Variants in ANKRD12 observed in about 807,000 individuals in gnomAD.
ANKRD12 encodes ankyrin repeat domain-containing protein 12.
In ANKRD12, 85 loss-of-function variants were observed where a neutral mutation model predicts 183.4. The observed-to-expected ratio is 0.46, with a 90% confidence interval of 0.39 to 0.56. The LOEUF (loss-of-function observed/expected upper bound fraction) is 0.56. Ranked by LOEUF, ANKRD12 falls within the 20% of genes least tolerant of loss-of-function variation. The pLI, the probability that ANKRD12 is intolerant of heterozygous loss-of-function variation, is 0.00. For missense variants in ANKRD12, 2,405 were observed against 2,357.1 expected (o/e 1.02, Z -0.42); for synonymous variants, 914 against 800.2 (o/e 1.14, Z -2.40).
intron 2 of ANKRD12, 71 bp downstream of exon 2, chr18:9,182,590 T>G: frequency 9.6e-7 from 1 of 1,038,030 alleles, no homozygotes; most frequent in South Asian, 1.6e-5. Context: ...GTATTTTTAG[T>G]GATTTCTCGT....
intron 1 of ANKRD12, among the ~76,000 whole-genome samples, chr18:9,157,235 C>T (rs2030616407): frequency 6.6e-6 from 1 of 151,892 alleles, no homozygotes; most frequent in African/African-American, 2.4e-5. Context: ...ATGTACTCAG[C>T]ATACTTACAG....
Position 9,257,153 on chromosome 18 carries a change from C to G in ANKRD12, c.3886C>G (p.Leu1296Val). 1 of 1,614,112 alleles carries G rather than the reference C, an allele frequency of 6.2e-7. No individual in the cohort carries two copies. Among genetic ancestry groups the G allele is most frequent in the East Asian group, 2.2e-5 (1 of 44,880 alleles). The change falls in exon 9 of 13, where the codon CTA becomes GTA. Residue 1296 changes from leucine to valine, a missense_variant. This residue lies in a region of ANKRD12 where 1,983 missense variants were observed against 1,725.9 expected (regional missense o/e 1.15). Coordinates refer to ENST00000262126, the MANE Select transcript of ANKRD12 (RefSeq NM_015208.5). Reference sequence around the variant, plus strand: ...GTCATCTTCTGTAGAAGATGTTAAACTAATTATAAGCGAGGGGAGACCTAC... The same window carrying G: ...GTCATCTTCTGTAGAAGATGTTAAAGTAATTATAAGCGAGGGGAGACCTAC... ...LRSSSVEDVK[L>V]IISEGRPTIE...
chr18:9,263,779 T>G lies in ANKRD12; in HGVS notation c.5665-11T>G. ...CCTAATATTTTAAACTATATATATC[T>G]TTTTAATTAGATTACACCACCACCT... On this transcript the variant is annotated splice_polypyrimidine_tract_variant and intron_variant, in intron 9 of 12. Transcript: ENST00000262126. 6.5e-7 allele frequency: 1 copy of G among 1,532,624 alleles called. No homozygotes were observed. The highest frequency in any genetic ancestry group is 8.8e-7 in the Non-Finnish European group (1 of 1,132,804). 94.9% of individuals were successfully genotyped at this position (1,532,624 alleles called of 1,614,324 possible).
At chr18:9,253,835 C>A (rs1181617864) in intron 8 of ANKRD12, among the ~76,000 whole-genome samples, 3 of 152,124 alleles carry the variant, frequency 2.0e-5, no homozygotes, top group Non-Finnish European at 2.9e-5. Context: ...AATAGAGCTA[C>A]CATATGATTC....
chr18:9,265,199 G>C (rs1171580632), intron 10 of ANKRD12, among the ~76,000 whole-genome samples: 1 of 152,254 alleles, frequency 6.6e-6, no homozygotes, highest in East Asian at 1.9e-4. Flanking sequence ...ACCTCTGGGA[G>C]CAGGGCACAG....
At chr18:9,192,557 C>G (rs2034518798) in intron 2 of ANKRD12, among the ~76,000 whole-genome samples, 1 of 152,088 alleles carries the variant, frequency 6.6e-6, no homozygotes, top group Non-Finnish European at 1.5e-5. Flanking sequence ...TGGGTAACTT[C>G]TAATCTTTCT....
chr18:9,177,959 G>A (rs2033406166), intron 1 of ANKRD12, among the ~76,000 whole-genome samples: 1 of 149,480 alleles, frequency 6.7e-6, no homozygotes. Flanking sequence ...TTATCTTATT[G>A]ATTCATAAGA....
rs1271729693 is a variant in ANKRD12 at position 9,140,264 on chromosome 18, T to C, written c.-52+3299T>C. Among the ~76,000 whole-genome samples, 4 of 152,300 alleles carry C rather than the reference T, an allele frequency of 2.6e-5. No homozygotes were observed. The East Asian group carries it at 7.7e-4, about 29-fold the overall frequency. On this transcript the variant is annotated intron_variant, in intron 1 of 12. Coordinates refer to ENST00000262126, the MANE Select transcript of ANKRD12 (RefSeq NM_015208.5). ...GTGGTGATGTTATTTTTAAAGAAAA[T>C]ACAATTCTTAAAGTGTAACAAGGTG... is the stretch of plus-strand genomic sequence containing the variant.
chr18:9,250,221 G>T (rs1377461173), intron 8 of ANKRD12: 1 of 152,130 alleles, frequency 6.6e-6, no homozygotes, highest in African/African-American at 2.4e-5. Flanking sequence ...AAAGAAAATG[G>T]TGGTAATAGT....
At position 9,282,324 on chromosome 18, in the gene ANKRD12, CCAGT is replaced by C. The variant is rs1213724933; in HGVS notation, c.*1201_*1204del. ...TAAGTAAAAGAAATATAGGAATATT[CCAGT>C]CAATCTCTGAAATGTTTATGAAAAA... On this transcript the variant is annotated 3_prime_UTR_variant, in exon 13 of 13. Transcript: ENST00000262126. 6.6e-6 allele frequency: 1 copy of C among 152,380 alleles called. No homozygotes were observed. The highest frequency in any genetic ancestry group is 2.4e-5 in the African/African-American group (1 of 41,396). The allele number at this position is 152,380 out of a possible 1,614,324, so 9.4% of individuals were successfully genotyped here.
Position 9,254,727 on chromosome 18 carries a change from A to G in ANKRD12, c.1460A>G (p.Glu487Gly). 1 of 1,502,510 alleles carries G rather than the reference A, an allele frequency of 6.7e-7. No homozygotes were observed. The highest frequency in any genetic ancestry group is 8.9e-7 in the Non-Finnish European group (1 of 1,128,156). The allele number at this position is 1,502,510 out of a possible 1,614,324, so 93.1% of individuals were successfully genotyped here. A position where few individuals can be genotyped will look rare whatever the true frequency, so the allele number is the denominator to read the frequency against. Residue 487 changes from glutamate to glycine, a missense_variant, in exon 9 of 13, where the codon GAG becomes GGG. Physicochemically the swap from Glu to Gly is moderately conservative, Grantham distance 98. Coordinates refer to ENST00000262126, the MANE Select transcript of ANKRD12 (RefSeq NM_015208.5). ...CAGAATAAAAATAAAGAGAACCAAG[A>G]GCTAAAGCAAGAAAAGGAAGGAAAA... The part of the protein sequence containing the change: ...KNQNKNKENQ[E>G]LKQEKEGKEN...
At chr18:9,169,146 G>A (rs1375415741) in intron 1 of ANKRD12, among the ~76,000 whole-genome samples, 1 of 152,048 alleles carries the variant, frequency 6.6e-6, no homozygotes, top group Non-Finnish European at 1.5e-5. Context: ...CCAACTATGT[G>A]GTCAATTTTG....
In ANKRD12 at chr18:9,141,854, CAATT is replaced by C. The variant is rs553708886; in HGVS notation, c.-52+4892_-52+4895del. Among the ~76,000 whole-genome samples the C allele has an allele frequency of 2.9e-3, 436 of 152,240 alleles. 2 individuals are homozygous for C. The highest frequency in any genetic ancestry group is 0.017 in the Middle Eastern group (5 of 294). On this transcript the variant is annotated intron_variant, in intron 1 of 12. Coordinates refer to ENST00000262126, the MANE Select transcript of ANKRD12 (RefSeq NM_015208.5). ...ATGTCTGTTAACTATCTTATTTTGA[CAATT>C]AAGATTAATCTCTAATAATATGCAT...
At chr18:9,209,776 A>G (rs2035684214) in intron 5 of ANKRD12, among the ~76,000 whole-genome samples, 1 of 152,178 alleles carries the variant, frequency 6.6e-6, no homozygotes, top group Non-Finnish European at 1.5e-5. Flanking sequence ...TTTGACTTTA[A>G]GTCTGATTTA....
At position 9,257,648 on chromosome 18, in the gene ANKRD12, G is replaced by A. The variant is rs370051297; in HGVS notation, c.4381G>A (p.Glu1461Lys). ...TAATTCTGAAAATAAGGTATTGAAA[G>A]AAAATGCTGATTTTTTATCCCTGCG... ...FCNSENKVLKENADFLSLRQT... is the reference protein window; with the variant it reads ...FCNSENKVLKKNADFLSLRQT... Residue 1461 changes from glutamate to lysine, a missense_variant, in exon 9 of 13, where the codon GAA (glutamate) becomes AAA (lysine). This residue lies in a region of ANKRD12 where 1,983 missense variants were observed against 1,725.9 expected (regional missense o/e 1.15). Transcript: ENST00000262126. 1 of 1,613,750 alleles carries A rather than the reference G, an allele frequency of 6.2e-7. No homozygotes were observed. The highest frequency in any genetic ancestry group is 1.3e-5 in the African/African-American group (1 of 74,870).
intron 1 of ANKRD12, among the ~76,000 whole-genome samples, chr18:9,138,121 G>T (rs72935238): frequency 0.025 from 3,871 of 152,352 alleles, 80 homozygotes; most frequent in Non-Finnish European, 0.041. Flanking sequence ...GCCTGCATCT[G>T]CAGTCATGTA....
At chr18:9,245,075 C>A (rs746054678) in intron 8 of ANKRD12, among the ~76,000 whole-genome samples, 1 of 151,660 alleles carries the variant, frequency 6.6e-6, no homozygotes, top group African/African-American at 2.4e-5. Context: ...TGCACTTAGC[C>A]CATCTGAATA....
At position 9,143,778 on chromosome 18, in the gene ANKRD12, G is replaced by A. The variant is rs552774948; in HGVS notation, c.-52+6813G>A. On this transcript the variant is annotated intron_variant, in intron 1 of 12. Transcript: ENST00000262126. Reference sequence around the variant, plus strand: ...CTCTGCGGAGCATTCTCTTTAAGCTGCAGTTGAATATGACCAAACACCACC... The same window carrying A: ...CTCTGCGGAGCATTCTCTTTAAGCTACAGTTGAATATGACCAAACACCACC... 2.6e-5 allele frequency among the ~76,000 whole-genome samples: 4 copies of A among 152,222 alleles called. No individual in the cohort carries two copies. In the South Asian group the frequency reaches 8.3e-4, roughly 32 times the overall value.
intron 2 of ANKRD12, among the ~76,000 whole-genome samples, chr18:9,192,912 G>C (rs904691466): frequency 1.3e-5 from 2 of 151,654 alleles, no homozygotes; most frequent in Non-Finnish European, 2.9e-5. Flanking sequence ...TCAAACTCCT[G>C]TCCTCAAGTG....
Sources: gnomAD v4.1 joint callset for allele counts (sites outside exome capture counted in the v4.1 genomes callset) on GRCh38, gnomAD v4.1.1 for gene constraint, gnomAD v4.1.1 regional missense constraint, MANE v1.5 for transcripts, NCBI Gene and HGNC (gene_info 2026-07-23, HGNC 2026-07-21) for gene names.